The following ZNF804B variants were observed in gnomAD, a reference collection of about 807,000 sequenced individuals.
ZNF804B encodes the protein zinc finger protein 804B.
In ZNF804B, 80 loss-of-function variants were observed where a neutral mutation model predicts 101.4. The ratio of observed to expected loss-of-function variants is 0.79; its 90% CI spans 0.66 to 0.95. The LOEUF is 0.95. Among genes scored for constraint, ZNF804B ranks in the 40% least tolerant of loss-of-function variants. The pLI, the probability that ZNF804B is intolerant of heterozygous loss-of-function variation, is 0.00. For synonymous variants in ZNF804B, 622 were observed against 558.8 expected, an observed-to-expected ratio of 1.11 and a Z score of -1.59; for missense variants, 1,673 against 1,561.9, an observed-to-expected ratio of 1.07 and a Z score of -1.20.
Position 89,180,795 on chromosome 7 carries a change from G to C in ZNF804B, c.109-37360G>C, listed in dbSNP as rs563137590. 2.7e-4 allele frequency among the ~76,000 whole-genome samples: 40 copies of C among 150,460 alleles called. 1 individual carries two copies. The highest frequency in any genetic ancestry group is 9.8e-4 in the African/African-American group (40 of 40,848). The stretch of plus-strand genomic sequence containing the variant: ...CCTGGCTGGTGTCTCACTAGGTCAT[G>C]TGCCCTGTGAACAGAGGACAGCACC... On this transcript the variant is annotated intron_variant, in intron 1 of 3. Transcript: ENST00000333190.
At chr7:88,864,643 C>G (rs1036087449) in intron 1 of ZNF804B, among the ~76,000 whole-genome samples, 2 of 152,140 alleles carry the variant, frequency 1.3e-5, no homozygotes, top group South Asian at 2.1e-4. Flanking sequence ...GATGTTAACT[C>G]CCCTGGGTCA....
chr7:88,832,796 T>C (rs1791152572), intron 1 of ZNF804B, among the ~76,000 whole-genome samples: 1 of 151,902 alleles, frequency 6.6e-6, no homozygotes, highest in African/African-American at 2.4e-5. Context: ...TGCACTATCA[T>C]CCTGTGGGGA....
intron 2 of ZNF804B, among the ~76,000 whole-genome samples, chr7:89,233,413 T>A (rs1468826759): frequency 2.6e-5 from 4 of 152,086 alleles, no homozygotes; most frequent in African/African-American, 9.7e-5. Context: ...ATATAATGTA[T>A]TTTTTATGAA....
At chr7:88,964,012 C>T (rs1793423518) in intron 1 of ZNF804B, among the ~76,000 whole-genome samples, 1 of 151,104 alleles carries the variant, frequency 6.6e-6, no homozygotes, top group Admixed American at 6.6e-5. Flanking sequence ...TGAACAATCC[C>T]CAAGAAAACT....
intron 2 of ZNF804B, among the ~76,000 whole-genome samples, chr7:89,288,723 C>T (rs888013491): frequency 6.6e-6 from 1 of 151,976 alleles, no homozygotes; most frequent in African/African-American, 2.4e-5. Flanking sequence ...TTTTCGGCAG[C>T]CCACATGTGC....
At chr7:89,040,733 C>T (rs1789004213) in intron 1 of ZNF804B, among the ~76,000 whole-genome samples, 1 of 152,160 alleles carries the variant, frequency 6.6e-6, no homozygotes, top group Admixed American at 6.5e-5. Flanking sequence ...GAAGTGGACA[C>T]CTCTTCTAGT....
At chr7:89,147,873 G>A (rs1044235966) in intron 1 of ZNF804B, among the ~76,000 whole-genome samples, 1 of 151,502 alleles carries the variant, frequency 6.6e-6, no homozygotes, top group Non-Finnish European at 1.5e-5. Flanking sequence ...AGGAAAACAC[G>A]CTCAGGGCTC....
chr7:88,875,796 G>C lies in ZNF804B; in HGVS notation c.108+115712G>C, dbSNP rs181776444. Among the ~76,000 whole-genome samples the C allele has an allele frequency of 6.8e-3, 1,033 of 152,230 alleles. 8 individuals are homozygous for C. The highest frequency in any genetic ancestry group is 0.021 in the African/African-American group (892 of 41,502). On this transcript the variant is annotated intron_variant, in intron 1 of 3. Coordinates refer to ENST00000333190, the MANE Select transcript of ZNF804B (RefSeq NM_181646.5). ...ATCAATAGAAAAAGAGGGAATCCTCGCTAACTCATTTTATGAGGCCAGCAT... is the reference window on the plus strand; with the variant it reads ...ATCAATAGAAAAAGAGGGAATCCTCCCTAACTCATTTTATGAGGCCAGCAT...
chr7:89,263,403 G>A (rs1316506343), intron 2 of ZNF804B, among the ~76,000 whole-genome samples: 5 of 151,992 alleles, frequency 3.3e-5, no homozygotes, highest in Non-Finnish European at 5.9e-5. Flanking sequence ...ACTCTGTAGC[G>A]CATCTAGAGT....
intron 1 of ZNF804B, among the ~76,000 whole-genome samples, chr7:88,939,647 A>G (rs998029241): frequency 6.6e-6 from 1 of 151,984 alleles, no homozygotes. Flanking sequence ...ATTAGAAATA[A>G]TAAATCCACA....
At chr7:89,196,857 A>G (rs1230152714) in intron 1 of ZNF804B, among the ~76,000 whole-genome samples, 1 of 152,158 alleles carries the variant, frequency 6.6e-6, no homozygotes, top group African/African-American at 2.4e-5. Context: ...ATCAACAAAC[A>G]TATGAAAAAA....
intron 1 of ZNF804B, among the ~76,000 whole-genome samples, chr7:89,198,867 A>C (rs947759577): frequency 2.0e-5 from 3 of 152,006 alleles, no homozygotes; most frequent in African/African-American, 7.2e-5. Flanking sequence ...CTGTAGCAGA[A>C]AGCAGAGCCT....
chr7:88,848,409 A>G (rs1791406131), intron 1 of ZNF804B, among the ~76,000 whole-genome samples: 1 of 152,104 alleles, frequency 6.6e-6, no homozygotes. Context: ...AGGCCCAAAC[A>G]CAACTGCATA....
intron 1 of ZNF804B, among the ~76,000 whole-genome samples, chr7:89,064,236 T>C (rs994882473): frequency 3.0e-4 from 46 of 152,104 alleles, no homozygotes; most frequent in Admixed American, 2.9e-3. Flanking sequence ...CACTGGATAT[T>C]GTCTGCTCCA....
intron 2 of ZNF804B, among the ~76,000 whole-genome samples, chr7:89,287,934 G>GAAAA (rs3061224): frequency 2.0e-5 from 3 of 148,992 alleles, no homozygotes; most frequent in Non-Finnish European, 3.0e-5. Flanking sequence ...AGATTTTCAG[G>GAAAA]AAAAAAAAAA....
intron 1 of ZNF804B, among the ~76,000 whole-genome samples, chr7:89,208,087 T>C (rs35405999): frequency 0.12 from 18,182 of 149,156 alleles, 1,323 homozygotes; most frequent in Middle Eastern, 0.25. Context: ...ATTGGGTTTT[T>C]TTTTTTTTTT....
chr7:89,168,415 A>T (rs1791174595), intron 1 of ZNF804B, among the ~76,000 whole-genome samples: 1 of 152,074 alleles, frequency 6.6e-6, no homozygotes, highest in South Asian at 2.1e-4. Flanking sequence ...GGAGGGAAAA[A>T]GTAAAAGGAT....
chr7:88,807,989 G>T (rs1790718557), intron 1 of ZNF804B, among the ~76,000 whole-genome samples: 1 of 152,170 alleles, frequency 6.6e-6, no homozygotes, highest in African/African-American at 2.4e-5. Flanking sequence ...GTGAGCCATA[G>T]GGTGAAGAGC....
chr7:89,307,406 A>G (rs1790582127), intron 2 of ZNF804B, among the ~76,000 whole-genome samples: 1 of 152,000 alleles, frequency 6.6e-6, no homozygotes, highest in South Asian at 2.1e-4. Context: ...AACATTCTAA[A>G]TTTGCATAAA....
Sources: gnomAD v4.1 joint callset for allele counts (sites outside exome capture counted in the v4.1 genomes callset) on GRCh38, gnomAD v4.1.1 for gene constraint, MANE v1.5 for transcripts, NCBI Gene and HGNC (gene_info 2026-07-23, HGNC 2026-07-21) for gene names.